The following SDCBP variants were observed in gnomAD, a reference collection of about 807,000 sequenced individuals.
The protein encoded by SDCBP is syndecan binding protein, also known as syntenin-1.
Under a neutral mutation model 30.5 loss-of-function variants are expected in SDCBP, and 22 were observed. The observed-to-expected ratio is 0.72, with a 90% confidence interval of 0.52 to 1.03. The LOEUF is 1.03. Ranked by LOEUF, SDCBP falls within the 50% of genes least tolerant of loss-of-function variation. The pLI is 0.00. For missense variants in SDCBP, 304 were observed against 369.9 expected (o/e 0.82, Z 1.46); for synonymous variants, 103 against 118.7 (o/e 0.87, Z 0.86).
intron 2 of SDCBP, among the ~76,000 whole-genome samples, chr8:58,569,398 C>T (rs1371652928): frequency 6.6e-6 from 1 of 152,130 alleles, no homozygotes; most frequent in Non-Finnish European, 1.5e-5. Context: ...CAGGGTTTTC[C>T]TATGTTGCCC....
chr8:58,569,057 C>T (rs1206432591), intron 2 of SDCBP, among the ~76,000 whole-genome samples: 1 of 151,322 alleles, frequency 6.6e-6, no homozygotes, highest in Non-Finnish European at 1.5e-5. Context: ...TTTTTTTTTC[C>T]CCCAAAACGG....
chr8:58,573,109 T>A (rs1805124212), intron 4 of SDCBP, among the ~76,000 whole-genome samples: 1 of 152,062 alleles, frequency 6.6e-6, no homozygotes, highest in Non-Finnish European at 1.5e-5. Flanking sequence ...TGCCTGGCCT[T>A]TGCTCTTAAT....
intron 1 of SDCBP, among the ~76,000 whole-genome samples, chr8:58,557,410 ATG>A (rs1804200604): frequency 7.1e-6 from 1 of 140,274 alleles, no homozygotes; most frequent in South Asian, 2.2e-4. Flanking sequence ...TAATAATATA[ATG>A]TAATATAATA....
At chr8:58,572,161 G>A (rs781199080) in intron 3 of SDCBP, 44 bp from the exon 4 acceptor site, 10 of 1,143,920 alleles carry the variant, frequency 8.7e-6, no homozygotes, top group Non-Finnish European at 1.0e-5. Context: ...TTTTCATTTT[G>A]TGTATTCTGT....
At chr8:58,556,414 C>G (rs1315538446) in intron 1 of SDCBP, among the ~76,000 whole-genome samples, 1 of 152,156 alleles carries the variant, frequency 6.6e-6, no homozygotes, top group African/African-American at 2.4e-5. Context: ...CAATGGGCCA[C>G]CGACTGGTAC....
At chr8:58,571,892 T>G (rs561014902) in intron 3 of SDCBP, among the ~76,000 whole-genome samples, 2 of 152,334 alleles carry the variant, frequency 1.3e-5, no homozygotes, top group African/African-American at 4.8e-5. Flanking sequence ...CCTAATCAAG[T>G]AAGTTTATTT....
intron 4 of SDCBP, among the ~76,000 whole-genome samples, chr8:58,574,173 G>A (rs1378939170): frequency 6.6e-6 from 1 of 152,042 alleles, no homozygotes; most frequent in Non-Finnish European, 1.5e-5. Flanking sequence ...CAGTTAATGT[G>A]GCCATCTCTG....
intron 1 of SDCBP, among the ~76,000 whole-genome samples, chr8:58,562,761 C>T (rs151328607): frequency 6.6e-6 from 1 of 151,934 alleles, no homozygotes; most frequent in Non-Finnish European, 1.5e-5. Context: ...TCTTCATAAC[C>T]TTGAGTTGGG....
intron 4 of SDCBP, 21 bp from the exon 5 acceptor site, chr8:58,575,879 C>A (rs765079331): frequency 1.3e-6 from 2 of 1,579,566 alleles, no homozygotes; most frequent in Non-Finnish European, 1.7e-6. Context: ...GATATTGACA[C>A]ATTGTATATG....
At chr8:58,565,641 C>T (rs778356395) in intron 2 of SDCBP, among the ~76,000 whole-genome samples, 26 of 151,964 alleles carry the variant, frequency 1.7e-4, no homozygotes, top group Non-Finnish European at 3.1e-4. Context: ...TTTCTAATTG[C>T]ATTGAGTTGA....
At chr8:58,568,385 A>G (rs1167870261) in intron 2 of SDCBP, among the ~76,000 whole-genome samples, 1 of 152,126 alleles carries the variant, frequency 6.6e-6, no homozygotes, top group Middle Eastern at 3.2e-3. Flanking sequence ...AGGCAGTAAC[A>G]TGCATGGAGT....
intron 1 of SDCBP, among the ~76,000 whole-genome samples, chr8:58,554,405 T>C (rs979424067): frequency 6.6e-6 from 1 of 152,228 alleles, no homozygotes; most frequent in Non-Finnish European, 1.5e-5. Context: ...CCTTTTGTCT[T>C]CTGTGTTACC....
chr8:58,577,828 T>G (rs546290211), intron 5 of SDCBP, among the ~76,000 whole-genome samples: 4 of 152,318 alleles, frequency 2.6e-5, no homozygotes, highest in African/African-American at 9.6e-5. Context: ...GCCTTATTCT[T>G]TGGAGTTGCT....
At chr8:58,561,499 G>T in intron 1 of SDCBP, 1 of 335,948 alleles carries the variant, frequency 3.0e-6, no homozygotes, top group Non-Finnish European at 5.5e-6. Context: ...AGGAGATTCT[G>T]TGGGACTCTA....
intron 5 of SDCBP, 63 bp downstream of exon 5, chr8:58,576,124 T>G: frequency 8.4e-7 from 1 of 1,197,312 alleles, no homozygotes; most frequent in Non-Finnish European, 1.2e-6. Flanking sequence ...TGATTAATGT[T>G]AAAATAATTT....
At chr8:58,576,977 C>G (rs1805373943) in intron 5 of SDCBP, among the ~76,000 whole-genome samples, 1 of 152,216 alleles carries the variant, frequency 6.6e-6, no homozygotes, top group Admixed American at 6.5e-5. Context: ...ACTCAAAATA[C>G]ATCTGCGTGC....
Position 58,570,879 on chromosome 8 carries a change from T to A in SDCBP, c.52-8T>A, listed in dbSNP as rs1250308113. On this transcript the variant is annotated splice_polypyrimidine_tract_variant and splice_region_variant and intron_variant, in intron 2 of 8. Transcript: ENST00000260130. ...ATATTGTTAGAATTTTCTTCTTTTC[T>A]TTTTCAGGCTCAAACTGCTTTTTCT... 1 of 1,609,760 alleles carries A rather than the reference T, an allele frequency of 6.2e-7. No individual in the cohort carries two copies. The highest frequency in any genetic ancestry group is 1.3e-5 in the African/African-American group (1 of 74,864).
chr8:58,576,526 A>G (rs1216654199), intron 5 of SDCBP, among the ~76,000 whole-genome samples: 3 of 150,168 alleles, frequency 2.0e-5, no homozygotes, highest in African/African-American at 7.4e-5. Context: ...GTGCATTTTT[A>G]AACCAAATGA....
Position 58,578,198 on chromosome 8 carries a change from A to G in SDCBP, c.568A>G (p.Ile190Val), listed in dbSNP as rs188278289. The G allele has an allele frequency of 4.5e-6, 7 of 1,557,744 alleles. No homozygotes were observed. The East Asian group carries it at 1.6e-4, about 36-fold the overall frequency. Residue 190 changes from isoleucine (I) to valine (V), a missense_variant, in exon 6 of 9, where the codon ATT (isoleucine) becomes GTT (valine). Transcript: ENST00000260130. ...TTTTGGAGAGAAGATTACCATGACC[A>G]TTCGTGACAGGTAAGCTGTTACTAA... is the stretch of plus-strand genomic sequence containing the variant. ...QAFGEKITMT[I>V]RDRPFERTIT...
Sources: gnomAD v4.1 joint callset for allele counts (sites outside exome capture counted in the v4.1 genomes callset) on GRCh38, gnomAD v4.1.1 for gene constraint, MANE v1.5 for transcripts, NCBI Gene and HGNC (gene_info 2026-07-23, HGNC 2026-07-21) for gene names.